Variants in SEC63 observed in about 807,000 individuals in gnomAD.
SEC63 encodes the protein translocation protein SEC63 homolog.
Under a neutral mutation model 116.2 loss-of-function variants are expected in SEC63, and 56 were observed. That is an observed-to-expected ratio of 0.48 (90% CI 0.39 to 0.60). The LOEUF is 0.60. Ranked by LOEUF, SEC63 falls within the 20% of genes least tolerant of loss-of-function variation. SEC63 has a pLI of 0.00. For missense variants in SEC63, 668 were observed against 900.0 expected (o/e 0.74, Z 3.30); for synonymous variants, 273 against 294.6 (o/e 0.93, Z 0.75).
At chr6:107,940,948 T>G (rs531283565) in intron 1 of SEC63, among the ~76,000 whole-genome samples, 2 of 152,092 alleles carry the variant, frequency 1.3e-5, no homozygotes, top group Non-Finnish European at 2.9e-5. Flanking sequence ...CTTAATCTTA[T>G]AGTGATAATC....
chr6:107,878,211 G>C (rs1786325404), intron 18 of SEC63, among the ~76,000 whole-genome samples: 1 of 152,226 alleles, frequency 6.6e-6, no homozygotes, highest in Non-Finnish European at 1.5e-5. Flanking sequence ...TAAAGACACA[G>C]AAACCTGGGT....
At position 107,876,682 on chromosome 6, in the gene SEC63, A is replaced by AAC. The variant is rs1562312418; in HGVS notation, c.1936-21_1936-20insGT. 2 of 1,506,066 alleles carry AAC rather than the reference A, an allele frequency of 1.3e-6. No homozygotes were observed. Among genetic ancestry groups the AAC allele is most frequent in the Admixed American group, 1.7e-5 (1 of 58,456 alleles). The allele number at this position is 1,506,066 out of a possible 1,614,324, so 93.3% of individuals were successfully genotyped here. On this transcript the variant is annotated intron_variant, in intron 18 of 20. Transcript: ENST00000369002. ...TTTTTCCTGGAAACAAAAAAAAAAA[A>AAC]AAAAAAAGAAGAGGGGTATAAATAA...
At chr6:107,893,271 A>G (rs1786731745) in intron 16 of SEC63, among the ~76,000 whole-genome samples, 1 of 152,076 alleles carries the variant, frequency 6.6e-6, no homozygotes, top group South Asian at 2.1e-4. Flanking sequence ...GGCAAAACTA[A>G]TCTATGGCGA....
chr6:107,879,271 C>G (rs1786350819), intron 18 of SEC63, among the ~76,000 whole-genome samples: 1 of 152,228 alleles, frequency 6.6e-6, no homozygotes, highest in Admixed American at 6.5e-5. Context: ...TCAAGCAATT[C>G]TCCTGCCTCA....
chr6:107,882,445 C>T (rs949415156), intron 17 of SEC63, among the ~76,000 whole-genome samples: 4 of 152,204 alleles, frequency 2.6e-5, no homozygotes, highest in East Asian at 3.8e-4. Context: ...TATACTTTTA[C>T]ACCATATTAA....
chr6:107,919,754 G>A (rs556459205), intron 4 of SEC63, among the ~76,000 whole-genome samples: 12 of 151,708 alleles, frequency 7.9e-5, no homozygotes, highest in Admixed American at 1.3e-4. Context: ...CCCGGGAGGC[G>A]GAAGTTGCAG....
chr6:107,944,063 C>G (rs572431692), intron 1 of SEC63, among the ~76,000 whole-genome samples: 1 of 152,108 alleles, frequency 6.6e-6, no homozygotes, highest in East Asian at 1.9e-4. Flanking sequence ...TGGTCGGACA[C>G]GATGTATTTC....
chr6:107,925,912 C>T (rs2818196), intron 2 of SEC63, among the ~76,000 whole-genome samples: 3,687 of 152,140 alleles, frequency 0.024, 127 homozygotes, highest in African/African-American at 0.084. Context: ...TGCAATGGCA[C>T]GATCTTGGCT....
chr6:107,894,895 C>T (rs1024660065), intron 14 of SEC63, among the ~76,000 whole-genome samples: 2 of 152,032 alleles, frequency 1.3e-5, no homozygotes, highest in African/African-American at 4.8e-5. Flanking sequence ...TGCCCTGCCA[C>T]CTGCTTTTTA....
In SEC63 at chr6:107,902,957, A is replaced by G; in HGVS notation, c.1096T>C (p.Cys366Arg). The change falls in exon 12 of 21, where the codon TGC (cysteine) becomes CGC (arginine). Residue 366 changes from cysteine to arginine, a missense_variant. Cys to Arg is a radical substitution (Grantham distance 180). Coordinates refer to ENST00000369002, the MANE Select transcript of SEC63 (RefSeq NM_007214.5). ...ACGGCCATCTGAGAAAGCTTCATGC[A>G]GTTTTCTAGGGATGCCAAAGTTGGA... The part of the protein sequence containing the change: ...RAPTLASLEN[C>R]MKLSQMAVQG... 1.2e-6 allele frequency: 2 copies of G among 1,614,150 alleles called. No homozygotes were observed. The highest frequency in any genetic ancestry group is 1.7e-6 in the Non-Finnish European group (2 of 1,179,998).
chr6:107,906,984 C>T (rs1385028601), intron 8 of SEC63, among the ~76,000 whole-genome samples: 1 of 152,108 alleles, frequency 6.6e-6, no homozygotes, highest in African/African-American at 2.4e-5. Flanking sequence ...TCAACCACCA[C>T]AAGTGAACAG....
At chr6:107,957,737 G>C (rs972602737) in intron 1 of SEC63, 149 bp downstream of exon 1, 16 of 753,582 alleles carry the variant, frequency 2.1e-5, no homozygotes, top group Non-Finnish European at 2.7e-5. Context: ...CCCGGGCCCC[G>C]CCAGTGGCGG....
chr6:107,953,203 T>C (rs1344281292), intron 1 of SEC63, among the ~76,000 whole-genome samples: 3 of 152,222 alleles, frequency 2.0e-5, no homozygotes, highest in Non-Finnish European at 2.9e-5. Context: ...GAGGTTGCAG[T>C]GAGCCGAGAT....
chr6:107,937,123 A>T (rs1184146467), intron 1 of SEC63, among the ~76,000 whole-genome samples: 36 of 129,870 alleles, frequency 2.8e-4, no homozygotes, highest in South Asian at 1.2e-3. Flanking sequence ...TATGTACCAC[A>T]TTTTTTTTTT....
At chr6:107,941,740 G>A (rs1485012730) in intron 1 of SEC63, among the ~76,000 whole-genome samples, 1 of 152,222 alleles carries the variant, frequency 6.6e-6, no homozygotes, top group East Asian at 1.9e-4. Context: ...GACTTCCCAA[G>A]GAATGAGCTT....
At chr6:107,947,589 C>T (rs1472407842) in intron 1 of SEC63, among the ~76,000 whole-genome samples, 1 of 152,086 alleles carries the variant, frequency 6.6e-6, no homozygotes, top group African/African-American at 2.4e-5. Flanking sequence ...AAATTCATCC[C>T]CATTCTTTTC....
At chr6:107,934,066 C>T (rs1040067860) in intron 1 of SEC63, among the ~76,000 whole-genome samples, 40 of 152,154 alleles carry the variant, frequency 2.6e-4, no homozygotes, top group Non-Finnish European at 5.6e-4. Flanking sequence ...GATCTTGGCT[C>T]GCTACAACCT....
chr6:107,892,016 A>G (rs748581552), intron 16 of SEC63, among the ~76,000 whole-genome samples: 6 of 152,174 alleles, frequency 3.9e-5, no homozygotes, highest in Non-Finnish European at 7.4e-5. Context: ...CCCAGTCAGG[A>G]TTCATGGGAG....
intron 16 of SEC63, among the ~76,000 whole-genome samples, chr6:107,890,989 G>A (rs973101193): frequency 6.6e-6 from 1 of 152,070 alleles, no homozygotes; most frequent in African/African-American, 2.4e-5. Flanking sequence ...TTTCTCTCTG[G>A]CTCCCTTTAA....
Sources: allele counts gnomAD v4.1 joint callset (sites outside exome capture counted in the v4.1 genomes callset), GRCh38; gene constraint gnomAD v4.1.1; transcripts MANE v1.5; gene names NCBI Gene and HGNC (gene_info 2026-07-23, HGNC 2026-07-21).